Variants in DIP2C observed in about 807,000 individuals in gnomAD.
DIP2C encodes the protein DIP2 acetate--CoA ligase C (putative), also known as disco-interacting protein 2 homolog C.
In DIP2C, 33 loss-of-function variants were observed where a neutral mutation model predicts 192.4. The observed-to-expected ratio is 0.17, with a 90% CI of 0.13 to 0.23. DIP2C has a LOEUF of 0.23. Ranked by LOEUF, DIP2C falls within the 10% of genes least tolerant of loss-of-function variation. The probability of loss-of-function intolerance (pLI) is 1.00; values close to 1 mark genes in which losing one functional copy is unlikely to be tolerated. For missense variants in DIP2C, 1,537 were observed against 2,110.1 expected (o/e 0.73, Z 5.32); for synonymous variants, 979 against 864.1 (o/e 1.13, Z -2.33).
chr10:366,495 C>G, intron 18 of DIP2C, 84 bp from the exon 19 acceptor site: 2 of 1,584,252 alleles, frequency 1.3e-6, no homozygotes, highest in Non-Finnish European at 1.7e-6. Flanking sequence ...CGAATATGAA[C>G]GACACCAGTG....
At chr10:377,450 T>C (rs1024455179) in intron 17 of DIP2C, among the ~76,000 whole-genome samples, 16 of 152,268 alleles carry the variant, frequency 1.1e-4, no homozygotes, top group Non-Finnish European at 1.2e-4. Flanking sequence ...GGTTTGCTAT[T>C]CGATGCTACC....
At chr10:326,857 G>C in intron 31 of DIP2C, 149 bp downstream of exon 31, 1 of 913,760 alleles carries the variant, frequency 1.1e-6, no homozygotes, top group Non-Finnish European at 1.6e-6. Flanking sequence ...AAGAAACAGA[G>C]ATCTGCACCA....
At chr10:424,003 T>C (rs1966398323) in intron 4 of DIP2C, among the ~76,000 whole-genome samples, 1 of 152,228 alleles carries the variant, frequency 6.6e-6, no homozygotes, top group African/African-American at 2.4e-5. Flanking sequence ...CTATAATTTA[T>C]GAGAATATTT....
chr10:651,336 C>A lies in DIP2C; in HGVS notation c.85+38158G>T. 1.4e-6 allele frequency: 1 copy of A among 703,808 alleles called. No homozygotes were observed. Among genetic ancestry groups the A allele is most frequent in the Non-Finnish European group, 2.6e-6 (1 of 384,972 alleles). The allele number at this position is 703,808 out of a possible 1,614,324, so 43.6% of individuals were successfully genotyped here. ...GTGGACACGATCCCATCAGGAACCA[C>A]CTACTTTTGCATCCCCAGCACTGTG... On this transcript the variant is annotated intron_variant, in intron 1 of 36. Transcript: ENST00000280886. The surrounding 1 kb of genome is among the most constrained non-coding windows in gnomAD (Gnocchi z 4.1).
intron 1 of DIP2C, among the ~76,000 whole-genome samples, chr10:487,391 A>G (rs2096134): frequency 0.83 from 125,741 of 151,966 alleles, 54,246 homozygotes; most frequent in Non-Finnish European, 0.94. Context: ...TGGTCAACTC[A>G]CTTTTCCTAG....
At chr10:661,044 G>T (rs1856727493) in intron 1 of DIP2C, among the ~76,000 whole-genome samples, 1 of 152,212 alleles carries the variant, frequency 6.6e-6, no homozygotes, top group South Asian at 2.1e-4. Flanking sequence ...GCTGGTGCTG[G>T]TTGAGGCTTT....
At chr10:600,463 CA>C (rs1564251658) in intron 1 of DIP2C, among the ~76,000 whole-genome samples, 1 of 146,188 alleles carries the variant, frequency 6.8e-6, no homozygotes, top group Non-Finnish European at 1.5e-5. Flanking sequence ...AGCCACCCGA[CA>C]GCCCTTTCCA....
At chr10:457,291 G>C (rs1025398310) in intron 3 of DIP2C, among the ~76,000 whole-genome samples, 1 of 152,064 alleles carries the variant, frequency 6.6e-6, no homozygotes, top group Non-Finnish European at 1.5e-5. Context: ...AACATGTTAA[G>C]ATAAATGCTT....
At chr10:548,773 C>T (rs1848436684) in intron 1 of DIP2C, among the ~76,000 whole-genome samples, 1 of 151,816 alleles carries the variant, frequency 6.6e-6, no homozygotes, top group Admixed American at 6.6e-5. Context: ...TTATGGATGA[C>T]ATTTTAATTA....
chr10:504,094 C>T (rs1477328237), intron 1 of DIP2C, among the ~76,000 whole-genome samples: 2 of 152,208 alleles, frequency 1.3e-5, no homozygotes, highest in Non-Finnish European at 2.9e-5. Flanking sequence ...TCACGACACA[C>T]ACAGGTGGTA....
chr10:467,668 C>A (rs1166115925), intron 3 of DIP2C, among the ~76,000 whole-genome samples: 2 of 150,562 alleles, frequency 1.3e-5, no homozygotes, highest in Non-Finnish European at 2.9e-5. Context: ...ATGGATGAAG[C>A]TGGAAGCCAT....
At chr10:523,503 C>A (rs2487816) in intron 1 of DIP2C, among the ~76,000 whole-genome samples, 1 of 20,682 alleles carries the variant, frequency 4.8e-5, no homozygotes, top group Non-Finnish European at 1.3e-4. Context: ...GACTCTGTGT[C>A]ACCCACACAC....
chr10:607,287 G>A (rs1216143502), intron 1 of DIP2C, among the ~76,000 whole-genome samples: 2 of 152,204 alleles, frequency 1.3e-5, no homozygotes, highest in African/African-American at 2.4e-5. Flanking sequence ...GTCCTCAGCT[G>A]AGCTGCTGGA....
chr10:363,032 T>C lies in DIP2C; in HGVS notation c.2592+165A>G, dbSNP rs1370781795. 6.6e-6 allele frequency among the ~76,000 whole-genome samples: 1 copy of C among 152,158 alleles called. No homozygotes were observed. Among genetic ancestry groups the C allele is most frequent in the Non-Finnish European group, 1.5e-5 (1 of 68,028 alleles). On this transcript the variant is annotated intron_variant, in intron 21 of 36. Coordinates refer to ENST00000280886, the MANE Select transcript of DIP2C (RefSeq NM_014974.3). The surrounding 1 kb of genome is among the most constrained non-coding windows in gnomAD (Gnocchi z 5.4). ...CCTGGTCCCTACACCCTCGATCTGCTGAGCTAGTTTCTGGACACTTGATGT... is the reference window on the plus strand; with the variant it reads ...CCTGGTCCCTACACCCTCGATCTGCCGAGCTAGTTTCTGGACACTTGATGT...
intron 1 of DIP2C, among the ~76,000 whole-genome samples, chr10:545,383 T>TGACCTCAGGTGATCCACCCACCTC (rs1444527699): frequency 6.6e-6 from 1 of 152,078 alleles, no homozygotes; most frequent in Admixed American, 6.5e-5. Context: ...CTGTAACTCC[T>TGACCTCAGGTGATCCACCCACCTC]GACCTCAGGT....
At chr10:570,893 A>C (rs1298002509) in intron 1 of DIP2C, among the ~76,000 whole-genome samples, 1 of 152,266 alleles carries the variant, frequency 6.6e-6, no homozygotes, top group Non-Finnish European at 1.5e-5. Flanking sequence ...AATTCCATGT[A>C]CTGCTGCAAC....
chr10:548,788 G>A (rs1848437394), intron 1 of DIP2C, among the ~76,000 whole-genome samples: 1 of 151,834 alleles, frequency 6.6e-6, no homozygotes, highest in Non-Finnish European at 1.5e-5. Context: ...TAATTAAGAT[G>A]TTACATCTAA....
rs11253322 is a variant in DIP2C at position 683,287 on chromosome 10, G to A, written c.85+6207C>T. On this transcript the variant is annotated intron_variant, in intron 1 of 36. Transcript: ENST00000280886. ...TCCGAAGAGGCGGAGCCCTCGTTCC[G>A]CAGCCACCGCTGTCTTTCTACCCAC... Among the ~76,000 whole-genome samples, 34 of 152,340 alleles carry A rather than the reference G, an allele frequency of 2.2e-4. No homozygotes were observed. The East Asian group carries it at 2.3e-3, about 10-fold the overall frequency.
intron 1 of DIP2C, among the ~76,000 whole-genome samples, chr10:559,620 T>TCC (rs1316553864): frequency 6.6e-6 from 1 of 152,094 alleles, no homozygotes; most frequent in Non-Finnish European, 1.5e-5. Flanking sequence ...CCTTCCTACC[T>TCC]CCCCAAAGGC....
Sources: gnomAD v4.1 joint callset for allele counts (sites outside exome capture counted in the v4.1 genomes callset) on GRCh38, gnomAD v4.1.1 for gene constraint, Gnocchi (gnomAD v3.1) non-coding constraint, MANE v1.5 for transcripts, NCBI Gene and HGNC (gene_info 2026-07-23, HGNC 2026-07-21) for gene names.